The following WWC2 variants were observed in gnomAD, a reference collection of about 807,000 sequenced individuals.
WWC2 encodes protein WWC2.
A neutral mutation model predicts 138.5 loss-of-function variants in WWC2; 101 were observed. The observed-to-expected ratio is 0.73, with a 90% confidence interval of 0.62 to 0.86. The LOEUF is 0.86. Among genes scored for constraint, WWC2 ranks in the 40% least tolerant of loss-of-function variants. WWC2 has a pLI of 0.00. For missense variants in WWC2, 1,420 were observed against 1,419.4 expected (o/e 1.00, Z -0.01); for synonymous variants, 558 against 538.4 (o/e 1.04, Z -0.50).
chr4:183,287,307 T>G (rs951119679), intron 20 of WWC2, among the ~76,000 whole-genome samples: 1 of 152,224 alleles, frequency 6.6e-6, no homozygotes, highest in African/African-American at 2.4e-5. Context: ...AAATGTTGAT[T>G]TTTCAGGTTA....
rs556892402 is a variant in WWC2 at position 183,284,408 on chromosome 4, G to A, written c.3048+18G>A. ...TCTGCAGGGTAAGGTGGCAGTGCTC[G>A]TGGTGAGGCGCTGGGACTGCAGCTT... On this transcript the variant is annotated intron_variant, in intron 19 of 22. Transcript: ENST00000403733. 1.7e-5 allele frequency: 28 copies of A among 1,606,712 alleles called. No homozygotes were observed. The highest frequency in any genetic ancestry group is 4.0e-5 in the African/African-American group (3 of 74,994).
At chr4:183,234,281 A>G (rs369775095) in intron 4 of WWC2, among the ~76,000 whole-genome samples, 33 of 152,308 alleles carry the variant, frequency 2.2e-4, no homozygotes, top group African/African-American at 7.9e-4. Flanking sequence ...ACAGTGGGAA[A>G]TGTGCAGAAA....
chr4:183,105,022 T>G (rs1743304293), intron 1 of WWC2, among the ~76,000 whole-genome samples: 1 of 152,226 alleles, frequency 6.6e-6, no homozygotes, highest in Non-Finnish European at 1.5e-5. Flanking sequence ...TTCTCCTGCC[T>G]CAGCTTCCTG....
At chr4:183,221,989 G>A (rs1028429950) in intron 4 of WWC2, among the ~76,000 whole-genome samples, 3 of 152,084 alleles carry the variant, frequency 2.0e-5, no homozygotes, top group Admixed American at 6.6e-5. Flanking sequence ...CCTAAACTGG[G>A]AACCAGCCTA....
chr4:183,230,570 G>A (rs1220020936), intron 4 of WWC2, among the ~76,000 whole-genome samples: 13 of 152,102 alleles, frequency 8.5e-5, no homozygotes, highest in South Asian at 4.1e-4. Flanking sequence ...CCAGCTATTC[G>A]GGAGGCTGAG....
chr4:183,194,678 C>T (rs528954106), intron 2 of WWC2, among the ~76,000 whole-genome samples: 2 of 152,214 alleles, frequency 1.3e-5, no homozygotes, highest in East Asian at 3.9e-4. Flanking sequence ...TGATGTATTT[C>T]TCAAGAGGCC....
chr4:183,131,435 G>T (rs1389411481), intron 1 of WWC2, among the ~76,000 whole-genome samples: 1 of 151,996 alleles, frequency 6.6e-6, no homozygotes, highest in Non-Finnish European at 1.5e-5. Flanking sequence ...AAGAAAACGA[G>T]GTTGAATATA....
At chr4:183,189,022 A>G (rs551225069) in intron 1 of WWC2, among the ~76,000 whole-genome samples, 10 of 152,190 alleles carry the variant, frequency 6.6e-5, no homozygotes, top group East Asian at 1.9e-4. Flanking sequence ...TTATCTTCCA[A>G]AGTGGTTTGT....
intron 6 of WWC2, among the ~76,000 whole-genome samples, chr4:183,248,017 A>C (rs1038367705): frequency 6.6e-6 from 1 of 151,864 alleles, no homozygotes; most frequent in African/African-American, 2.4e-5. Context: ...TTTCCTTTTC[A>C]ATACTTTCAC....
Position 183,245,454 on chromosome 4 carries a change from AAC to A in WWC2, c.642_643del (p.Glu214AspfsTer3), listed in dbSNP as rs1193187025. ...ATGTCTGGAGGCCAGAGCGGGTATG[AAC>A]TCAGTGAAGCCAAAGCCATTCTAAC... On this transcript the variant is annotated frameshift_variant, in exon 6 of 23. Coordinates refer to ENST00000403733, the MANE Select transcript of WWC2 (RefSeq NM_024949.6). LOFTEE classifies it high-confidence loss of function. 1 of 1,601,852 alleles carries A rather than the reference AAC, an allele frequency of 6.2e-7. No individual in the cohort carries two copies. Among genetic ancestry groups the A allele is most frequent in the East Asian group, 2.3e-5 (1 of 44,332 alleles).
chr4:183,246,307 TCTTA>T (rs1736777984), intron 6 of WWC2, among the ~76,000 whole-genome samples: 1 of 152,206 alleles, frequency 6.6e-6, no homozygotes, highest in Non-Finnish European at 1.5e-5. Flanking sequence ...TATTTGGAGT[TCTTA>T]CTTAGCTGAG....
intron 1 of WWC2, among the ~76,000 whole-genome samples, chr4:183,156,319 C>A (rs1197640438): frequency 6.8e-6 from 1 of 147,226 alleles, no homozygotes; most frequent in African/African-American, 2.5e-5. Flanking sequence ...AGCCACCATG[C>A]CTGGCCCTTT....
In WWC2 at chr4:183,233,891, T is replaced by TG. The variant is rs1279311262; in HGVS notation, c.523-6291dup. 9 of 152,340 alleles carry TG rather than the reference T, an allele frequency of 5.9e-5. No homozygotes were observed. The East Asian group carries it at 7.7e-4, about 13-fold the overall frequency. 9.4% of individuals were successfully genotyped at this position (152,340 alleles called of 1,614,324 possible). On this transcript the variant is annotated intron_variant, in intron 4 of 22. Coordinates refer to ENST00000403733, the MANE Select transcript of WWC2 (RefSeq NM_024949.6). ...TTTCCAGAAGGAGCAAGTTGACAGT[T>TG]GCCCTTTATTGGCTTGCTTAAGGAG...
chr4:183,270,511 C>T (rs1445721245), intron 15 of WWC2, among the ~76,000 whole-genome samples: 1 of 151,948 alleles, frequency 6.6e-6, no homozygotes, highest in African/African-American at 2.4e-5. Flanking sequence ...TGCCTGTAAT[C>T]CTAGCACTTT....
rs766341395 is a variant in WWC2 at position 183,269,042 on chromosome 4, C to T, written c.2279C>T (p.Pro760Leu). ...CTGTTTCGCACAAAAGTTCATCCGC[C>T]CACAGAATCCATTTTATTCAATGAT... ...SCLFRTKVHP[P>L]TESILFNDVF... The change falls in exon 15 of 23, where the codon CCC becomes CTC. Residue 760 changes from proline to leucine, a missense_variant. Coordinates refer to ENST00000403733, the MANE Select transcript of WWC2 (RefSeq NM_024949.6). The T allele has an allele frequency of 1.9e-6, 3 of 1,613,920 alleles. No homozygotes were observed. Among genetic ancestry groups the T allele is most frequent in the South Asian group, 2.2e-5 (2 of 91,070 alleles).
intron 1 of WWC2, among the ~76,000 whole-genome samples, chr4:183,131,400 A>T (rs750568925): frequency 6.6e-6 from 1 of 152,152 alleles, no homozygotes; most frequent in Non-Finnish European, 1.5e-5. Context: ...CATCAAAATT[A>T]AATACTTCTG....
At chr4:183,300,489 C>T (rs1361047488) in intron 21 of WWC2, among the ~76,000 whole-genome samples, 2 of 150,402 alleles carry the variant, frequency 1.3e-5, no homozygotes, top group Middle Eastern at 3.4e-3. Context: ...TAAAATTATG[C>T]CAAAGATATT....
chr4:183,281,804 G>A (rs1045138249), intron 17 of WWC2, among the ~76,000 whole-genome samples: 1 of 152,092 alleles, frequency 6.6e-6, no homozygotes, highest in Non-Finnish European at 1.5e-5. Flanking sequence ...AAATAAATAC[G>A]AGAGTGATTA....
chr4:183,143,672 G>A (rs1233772888), intron 1 of WWC2, among the ~76,000 whole-genome samples: 1 of 152,026 alleles, frequency 6.6e-6, no homozygotes, highest in Non-Finnish European at 1.5e-5. Flanking sequence ...GCTGGGCATG[G>A]TGGTGTGAGC....
Sources: allele counts gnomAD v4.1 joint callset (sites outside exome capture counted in the v4.1 genomes callset), GRCh38; gene constraint gnomAD v4.1.1; transcripts MANE v1.5; gene names NCBI Gene and HGNC (gene_info 2026-07-23, HGNC 2026-07-21).